Variants in HCN1 observed in about 807,000 individuals in gnomAD.
HCN1 encodes the protein potassium/sodium hyperpolarization-activated cyclic nucleotide-gated channel 1.
Under a neutral mutation model 78.9 loss-of-function variants are expected in HCN1, and 13 were observed. That is an observed-to-expected ratio of 0.16 (90% CI 0.11 to 0.26). The LOEUF is 0.26. Ranked by LOEUF, HCN1 falls within the 10% of genes least tolerant of loss-of-function variation. The pLI, the probability that HCN1 is intolerant of heterozygous loss-of-function variation, is 1.00. For missense variants in HCN1, 810 were observed against 1,154.3 expected, an observed-to-expected ratio of 0.70 and a Z score of 4.32; for synonymous variants, 552 against 455.5, an observed-to-expected ratio of 1.21 and a Z score of -2.70.
chr5:45,513,093 C>T (rs985362607), intron 2 of HCN1, among the ~76,000 whole-genome samples: 4 of 152,086 alleles, frequency 2.6e-5, no homozygotes, highest in South Asian at 2.1e-4. Context: ...ACCCATAGGG[C>T]GTTAAGGACA....
At chr5:45,406,155 C>T (rs1404833474) in intron 3 of HCN1, among the ~76,000 whole-genome samples, 1 of 151,954 alleles carries the variant, frequency 6.6e-6, no homozygotes, top group Non-Finnish European at 1.5e-5. Context: ...ATAAAACAGG[C>T]CCCAAATTTG....
At chr5:45,289,375 A>G (rs963862006) in intron 6 of HCN1, among the ~76,000 whole-genome samples, 1 of 152,078 alleles carries the variant, frequency 6.6e-6, no homozygotes, top group Non-Finnish European at 1.5e-5. Context: ...GCTTTCATGC[A>G]GTTGTACTTG....
chr5:45,390,236 G>A (rs1278458032), intron 4 of HCN1, among the ~76,000 whole-genome samples: 1 of 152,160 alleles, frequency 6.6e-6, no homozygotes, highest in Non-Finnish European at 1.5e-5. Flanking sequence ...GTTACATGCA[G>A]GTTGATTCTT....
intron 2 of HCN1, among the ~76,000 whole-genome samples, chr5:45,524,183 T>C (rs1044197086): frequency 5.9e-5 from 9 of 152,310 alleles, no homozygotes; most frequent in Non-Finnish European, 1.0e-4. Context: ...ATACGTGGCG[T>C]TATTTCTGAG....
At chr5:45,409,445 C>A (rs1028729431) in intron 3 of HCN1, among the ~76,000 whole-genome samples, 1 of 151,974 alleles carries the variant, frequency 6.6e-6, no homozygotes, top group African/African-American at 2.4e-5. Context: ...AAGCAGCTTA[C>A]GTAGTAATTG....
chr5:45,499,553 G>A (rs948493525), intron 2 of HCN1, among the ~76,000 whole-genome samples: 4 of 152,172 alleles, frequency 2.6e-5, no homozygotes, highest in Non-Finnish European at 2.9e-5. Flanking sequence ...CGTCTTCTGC[G>A]TCGCTTACGC....
chr5:45,459,854 T>C (rs1245974627), intron 3 of HCN1, among the ~76,000 whole-genome samples: 4 of 152,128 alleles, frequency 2.6e-5, no homozygotes, highest in African/African-American at 9.7e-5. Flanking sequence ...AGCCAGATTA[T>C]AGAGCTGTTG....
At chr5:45,644,689 C>G (rs1246896345) in intron 2 of HCN1, 2 of 154,128 alleles carry the variant, frequency 1.3e-5, no homozygotes, top group Non-Finnish European at 2.9e-5. Context: ...AAAATCAAAG[C>G]CTTTATATAT....
At chr5:45,348,017 C>T (rs1579829260) in intron 5 of HCN1, among the ~76,000 whole-genome samples, 3 of 152,070 alleles carry the variant, frequency 2.0e-5, no homozygotes, top group African/African-American at 7.2e-5. Flanking sequence ...ACAGAGAACG[C>T]CACAAAGATA....
intron 3 of HCN1, among the ~76,000 whole-genome samples, chr5:45,406,511 T>G (rs1032637563): frequency 6.6e-6 from 1 of 152,190 alleles, no homozygotes; most frequent in South Asian, 2.1e-4. Context: ...CTTGCTTTAG[T>G]TCACACACTT....
At position 45,509,677 on chromosome 5, in the gene HCN1, G is replaced by A. The variant is rs547017305; in HGVS notation, c.850-47670C>T. 3.9e-5 allele frequency among the ~76,000 whole-genome samples: 6 copies of A among 152,204 alleles called. No homozygotes were observed. The South Asian group carries it at 6.2e-4, about 16-fold the overall frequency. On this transcript the variant is annotated intron_variant, in intron 2 of 7. Transcript: ENST00000303230. Reference sequence around the variant, plus strand: ...TATATTCTAATTTGAGAGGAGAGACGGGCTACGTTGGAGCTATTGACAGAT... The same window carrying A: ...TATATTCTAATTTGAGAGGAGAGACAGGCTACGTTGGAGCTATTGACAGAT...
intron 4 of HCN1, among the ~76,000 whole-genome samples, chr5:45,372,398 A>G (rs1448162095): frequency 5.1e-5 from 6 of 117,846 alleles, no homozygotes; most frequent in African/African-American, 2.0e-4. Context: ...TGTAAATTAT[A>G]TAAAATATAA....
chr5:45,503,334 G>C (rs1370048462), intron 2 of HCN1, among the ~76,000 whole-genome samples: 3 of 152,044 alleles, frequency 2.0e-5, no homozygotes, highest in Non-Finnish European at 4.4e-5. Context: ...TCCAGATCTC[G>C]AGAAACTCTA....
chr5:45,306,803 T>C (rs1430381350), intron 5 of HCN1, among the ~76,000 whole-genome samples: 2 of 152,102 alleles, frequency 1.3e-5, no homozygotes, highest in Non-Finnish European at 2.9e-5. Context: ...TATCAAAATA[T>C]CAGGATTGAG....
At chr5:45,382,545 A>C (rs1747830846) in intron 4 of HCN1, among the ~76,000 whole-genome samples, 2 of 152,182 alleles carry the variant, frequency 1.3e-5, no homozygotes, top group Non-Finnish European at 2.9e-5. Flanking sequence ...GCTTCTTTTA[A>C]ATTTTTGACT....
At chr5:45,330,945 AT>A (rs1746331641) in intron 5 of HCN1, among the ~76,000 whole-genome samples, 1 of 151,208 alleles carries the variant, frequency 6.6e-6, no homozygotes, top group African/African-American at 2.4e-5. Context: ...TAAAAATGTT[AT>A]TTTATATGCC....
At chr5:45,403,288 A>G (rs1253872033) in intron 3 of HCN1, among the ~76,000 whole-genome samples, 1 of 152,150 alleles carries the variant, frequency 6.6e-6, no homozygotes, top group African/African-American at 2.4e-5. Flanking sequence ...CCCCTCCTCC[A>G]TCATACCTAC....
intron 3 of HCN1, among the ~76,000 whole-genome samples, chr5:45,400,714 G>A (rs924729609): frequency 2.6e-5 from 4 of 151,982 alleles, no homozygotes; most frequent in Non-Finnish European, 5.9e-5. Flanking sequence ...GCCTAAGAAT[G>A]CTTTCTTATT....
At chr5:45,465,361 T>C (rs528018813) in intron 2 of HCN1, among the ~76,000 whole-genome samples, 9 of 152,044 alleles carry the variant, frequency 5.9e-5, no homozygotes, top group Non-Finnish European at 1.3e-4. Flanking sequence ...GGGCTCAGGG[T>C]TGGGGTAACA....
Sources: gnomAD v4.1 joint callset for allele counts (sites outside exome capture counted in the v4.1 genomes callset) on GRCh38, gnomAD v4.1.1 for gene constraint, MANE v1.5 for transcripts, NCBI Gene and HGNC (gene_info 2026-07-23, HGNC 2026-07-21) for gene names.